Variants in KCTD8 observed in about 807,000 individuals in gnomAD.
KCTD8 encodes the protein BTB/POZ domain-containing protein KCTD8.
KCTD8 carries 27 observed loss-of-function variants against 31.5 expected under a neutral mutation model. The observed-to-expected ratio is 0.86, with a 90% CI of 0.63 to 1.18. The LOEUF is 1.18. Ranked by LOEUF, KCTD8 falls within the 50% of genes most tolerant of loss-of-function variation. The pLI, the probability that KCTD8 is intolerant of heterozygous loss-of-function variation, is 0.00. For synonymous variants in KCTD8, 290 were observed against 280.0 expected, an observed-to-expected ratio of 1.04 and a Z score of -0.36; for missense variants, 658 against 647.7, an observed-to-expected ratio of 1.02 and a Z score of -0.17.
intron 1 of KCTD8, among the ~76,000 whole-genome samples, chr4:44,269,983 T>C (rs922982602): frequency 3.9e-5 from 6 of 152,018 alleles, no homozygotes; most frequent in Middle Eastern, 3.2e-3. Context: ...GTCAGTGTGG[T>C]GATTCCTCAG....
At chr4:44,418,809 A>C (rs1721141346) in intron 1 of KCTD8, among the ~76,000 whole-genome samples, 1 of 152,190 alleles carries the variant, frequency 6.6e-6, no homozygotes, top group African/African-American at 2.4e-5. Flanking sequence ...CTGGTTAATT[A>C]AGATAATGCA....
rs930791391 is a variant in KCTD8, at chr4:44,401,054, T to C, written c.961+46509A>G. On this transcript the variant is annotated intron_variant, in intron 1 of 1. Transcript: ENST00000360029. ...TTTTTGTAGAGATGGGGTCTCACTATGTTGTCTAGGCTGGACTCAAACTCC... is the reference window on the plus strand; with the variant it reads ...TTTTTGTAGAGATGGGGTCTCACTACGTTGTCTAGGCTGGACTCAAACTCC... Among the ~76,000 whole-genome samples, 150 of 141,886 alleles carry C rather than the reference T, an allele frequency of 1.1e-3. 1 individual carries two copies. The highest frequency in any genetic ancestry group is 3.7e-3 in the Middle Eastern group (1 of 272). 93.1% of individuals were successfully genotyped at this position (141,886 alleles called of 152,430 possible). A position where few individuals can be genotyped will look rare whatever the true frequency, so the allele number is the denominator to read the frequency against.
intron 1 of KCTD8, among the ~76,000 whole-genome samples, chr4:44,181,497 C>T (rs932496898): frequency 5.3e-5 from 8 of 152,206 alleles, no homozygotes; most frequent in African/African-American, 1.7e-4. Flanking sequence ...ATCTGCCAGC[C>T]TCGGCCCCCC....
intron 1 of KCTD8, among the ~76,000 whole-genome samples, chr4:44,210,982 G>A (rs1714471488): frequency 6.6e-6 from 1 of 152,156 alleles, no homozygotes; most frequent in Non-Finnish European, 1.5e-5. Flanking sequence ...AGGCAGCAAT[G>A]TGTTTTTCAT....
chr4:44,291,920 C>T (rs1577596917), intron 1 of KCTD8, among the ~76,000 whole-genome samples: 1 of 110,446 alleles, frequency 9.1e-6, no homozygotes, highest in Non-Finnish European at 1.8e-5. Context: ...ATGAAAGCCA[C>T]AATGAAATAC....
At chr4:44,265,112 C>T (rs557229323) in intron 1 of KCTD8, among the ~76,000 whole-genome samples, 1 of 152,120 alleles carries the variant, frequency 6.6e-6, no homozygotes, top group African/African-American at 2.4e-5. Flanking sequence ...TGACTCCTGA[C>T]CCCTGAGCAG....
rs939088004 is a variant in KCTD8, at chr4:44,448,281, G to A, written c.243C>T (p.Gly81=). Reference sequence around the variant, plus strand: ...GCAGCTCGCCCCGGCGCCGGGCGCCGCCACGGGGACTAGAGGGCGAGAACA... The same window carrying A: ...GCAGCTCGCCCCGGCGCCGGGCGCCACCACGGGGACTAGAGGGCGAGAACA... ...ASMFSPSSPR[G]GARRRGELPR... The change falls in exon 1 of 2, where the codon GGC becomes GGT. Residue 81 remains glycine (G), a synonymous_variant. Transcript: ENST00000360029. This position sits in a 1 kb window ranked among gnomAD's most constrained non-coding sequence, Gnocchi z 4.1. The A allele has an allele frequency of 1.9e-6, 3 of 1,608,770 alleles. No homozygotes were observed. Among genetic ancestry groups the A allele is most frequent in the Admixed American group, 1.7e-5 (1 of 59,206 alleles).
chr4:44,269,541 G>A (rs1376042051), intron 1 of KCTD8, among the ~76,000 whole-genome samples: 3 of 151,648 alleles, frequency 2.0e-5, no homozygotes, highest in Middle Eastern at 3.4e-3. Flanking sequence ...TTGACAAATG[G>A]GATCTAATTA....
intron 1 of KCTD8, among the ~76,000 whole-genome samples, chr4:44,337,162 A>T (rs1718771389): frequency 6.6e-6 from 1 of 152,174 alleles, no homozygotes; most frequent in Admixed American, 6.5e-5. Context: ...AAATTAGCAA[A>T]TATGTTTAAA....
intron 1 of KCTD8, among the ~76,000 whole-genome samples, chr4:44,254,986 G>T (rs1474238887): frequency 1.3e-5 from 2 of 151,810 alleles, no homozygotes; most frequent in African/African-American, 4.8e-5. Flanking sequence ...CAGTGTCCTA[G>T]GGGTTTCCAC....
In KCTD8 at chr4:44,356,317, T is replaced by TTC. The variant is rs1479244974; in HGVS notation, c.961+91244_961+91245dup. Among the ~76,000 whole-genome samples, 11 of 152,348 alleles carry TTC rather than the reference T, an allele frequency of 7.2e-5. No individual in the cohort carries two copies. The East Asian group carries it at 2.1e-3, about 29-fold the overall frequency. On this transcript the variant is annotated intron_variant, in intron 1 of 1. Transcript: ENST00000360029. ...ATGACTGATGTGGTCTCTCTTGTAC[T>TTC]TCTTTGAATCATTTATTCTTTTGTG... is the stretch of plus-strand genomic sequence containing the variant.
chr4:44,336,330 T>C (rs1476741966), intron 1 of KCTD8, among the ~76,000 whole-genome samples: 1 of 151,688 alleles, frequency 6.6e-6, no homozygotes, highest in Non-Finnish European at 1.5e-5. Flanking sequence ...ATTTTATCAA[T>C]TGGAAAAATT....
At chr4:44,377,155 G>A (rs1395848636) in intron 1 of KCTD8, among the ~76,000 whole-genome samples, 3 of 152,152 alleles carry the variant, frequency 2.0e-5, no homozygotes, top group Non-Finnish European at 4.4e-5. Flanking sequence ...CTGGAATTTA[G>A]AATTCTTGCA....
intron 1 of KCTD8, among the ~76,000 whole-genome samples, chr4:44,340,347 G>A (rs1718863691): frequency 6.6e-6 from 1 of 151,396 alleles, no homozygotes; most frequent in Non-Finnish European, 1.5e-5. Flanking sequence ...TGCCCAGGCT[G>A]GAATGCAGTG....
At chr4:44,217,410 G>A (rs1378486885) in intron 1 of KCTD8, among the ~76,000 whole-genome samples, 1 of 152,136 alleles carries the variant, frequency 6.6e-6, no homozygotes. Flanking sequence ...GAGAAAGAAA[G>A]AAACATTAGC....
At chr4:44,319,585 G>A (rs187817406) in intron 1 of KCTD8, among the ~76,000 whole-genome samples, 1 of 152,206 alleles carries the variant, frequency 6.6e-6, no homozygotes, top group African/African-American at 2.4e-5. Context: ...GCCCTTCCTT[G>A]TGTAGCTGTG....
At chr4:44,290,365 T>C (rs1356377694) in intron 1 of KCTD8, among the ~76,000 whole-genome samples, 1 of 152,032 alleles carries the variant, frequency 6.6e-6, no homozygotes, top group African/African-American at 2.4e-5. Flanking sequence ...ACAATAATAG[T>C]AGGAGACTTC....
At chr4:44,328,069 A>C (rs1262314438) in intron 1 of KCTD8, among the ~76,000 whole-genome samples, 4 of 151,940 alleles carry the variant, frequency 2.6e-5, no homozygotes, top group Non-Finnish European at 5.9e-5. Flanking sequence ...ATTTAAATGG[A>C]TGATATATAG....
intron 1 of KCTD8, among the ~76,000 whole-genome samples, chr4:44,300,625 T>G (rs1243805932): frequency 6.6e-6 from 1 of 152,174 alleles, no homozygotes; most frequent in Non-Finnish European, 1.5e-5. Context: ...AATGTACTGT[T>G]ATATGCAATA....
Sources: allele counts gnomAD v4.1 joint callset (sites outside exome capture counted in the v4.1 genomes callset), GRCh38; gene constraint gnomAD v4.1.1; non-coding constraint Gnocchi (gnomAD v3.1); transcripts MANE v1.5; gene names NCBI Gene and HGNC (gene_info 2026-07-23, HGNC 2026-07-21).